The following PCDH9 variants were observed in gnomAD, a reference collection of about 807,000 sequenced individuals.
The protein encoded by PCDH9 is protocadherin-9.
Under a neutral mutation model 70.6 loss-of-function variants are expected in PCDH9, and 24 were observed. That is an observed-to-expected ratio of 0.34 (90% CI 0.25 to 0.48). PCDH9 has a LOEUF of 0.48. Ranked by LOEUF, PCDH9 falls within the 20% of genes least tolerant of loss-of-function variation. The pLI is 0.99. For missense variants in PCDH9, 1,281 were observed against 1,503.6 expected (o/e 0.85, Z 2.45); for synonymous variants, 562 against 558.5 (o/e 1.01, Z -0.09).
At chr13:66,664,946 G>T (rs555508643) in intron 3 of PCDH9, among the ~76,000 whole-genome samples, 50 of 152,136 alleles carry the variant, frequency 3.3e-4, no homozygotes, top group African/African-American at 1.2e-3. Flanking sequence ...ACCCTGTCCT[G>T]CTAGTCCCTA....
At chr13:66,908,505 T>C (rs542507865) in intron 2 of PCDH9, among the ~76,000 whole-genome samples, 1 of 152,300 alleles carries the variant, frequency 6.6e-6, no homozygotes, top group South Asian at 2.1e-4. Flanking sequence ...ACAGGAACAA[T>C]CTTCTATTCA....
At position 66,676,977 on chromosome 13, in the gene PCDH9, C is replaced by T. The variant is rs147134919; in HGVS notation, c.3139-45566G>A. 3.3e-4 allele frequency among the ~76,000 whole-genome samples: 50 copies of T among 152,094 alleles called. No individual in the cohort carries two copies. The East Asian group carries it at 8.9e-3, about 27-fold the overall frequency. ...ATGTCAATATTGATTCATTTTCCAACTATTCAAAGTCGGTATGCGGATTAA... is the reference window on the plus strand; with the variant it reads ...ATGTCAATATTGATTCATTTTCCAATTATTCAAAGTCGGTATGCGGATTAA... On this transcript the variant is annotated intron_variant, in intron 3 of 4. Transcript: ENST00000377865.
chr13:67,065,233 G>A (rs752800609), intron 2 of PCDH9, among the ~76,000 whole-genome samples: 9 of 152,012 alleles, frequency 5.9e-5, no homozygotes, highest in Admixed American at 4.6e-4. Context: ...AAAAACGAGC[G>A]TGTTCTCTGC....
chr13:66,798,456 T>C (rs2080278793), intron 3 of PCDH9, among the ~76,000 whole-genome samples: 1 of 152,118 alleles, frequency 6.6e-6, no homozygotes, highest in African/African-American at 2.4e-5. Flanking sequence ...AAGACTAATG[T>C]TCCAGAGATA....
intron 3 of PCDH9, among the ~76,000 whole-genome samples, chr13:66,740,229 C>T (rs1167430856): frequency 1.4e-5 from 2 of 138,898 alleles, no homozygotes; most frequent in East Asian, 4.2e-4. Flanking sequence ...ACAACCTGCT[C>T]CTGAATGACT....
chr13:66,930,940 A>AG (rs1333546570), intron 2 of PCDH9, among the ~76,000 whole-genome samples: 1 of 152,184 alleles, frequency 6.6e-6, no homozygotes, highest in African/African-American at 2.4e-5. Context: ...TGTCTACCAG[A>AG]AGCCTTTTAA....
At chr13:66,330,257 C>T (rs780262483) in intron 4 of PCDH9, among the ~76,000 whole-genome samples, 38 of 152,302 alleles carry the variant, frequency 2.5e-4, no homozygotes, top group Non-Finnish European at 4.6e-4. Flanking sequence ...ATTCAGGATG[C>T]TTGCTAATTC....
intron 4 of PCDH9, among the ~76,000 whole-genome samples, chr13:66,563,763 T>A (rs1593685969): frequency 6.6e-6 from 1 of 152,172 alleles, no homozygotes; most frequent in Non-Finnish European, 1.5e-5. Context: ...TTTCTGTTTT[T>A]TCGTTTTGGC....
chr13:66,942,260 GA>G (rs888910594), intron 2 of PCDH9, among the ~76,000 whole-genome samples: 13 of 151,062 alleles, frequency 8.6e-5, no homozygotes, highest in South Asian at 4.2e-4. Flanking sequence ...CAATAGTTTA[GA>G]AAAAAATAGC....
intron 4 of PCDH9, among the ~76,000 whole-genome samples, chr13:66,622,088 C>T (rs1056938124): frequency 6.6e-6 from 1 of 152,234 alleles, no homozygotes. Flanking sequence ...GGCTTAGCAC[C>T]CGGGCCAGCG....
chr13:66,614,994 C>A (rs887370144), intron 4 of PCDH9, among the ~76,000 whole-genome samples: 1 of 152,160 alleles, frequency 6.6e-6, no homozygotes, highest in African/African-American at 2.4e-5. Flanking sequence ...TTGTGGAATT[C>A]TGAGAAAGGT....
chr13:66,522,923 C>T (rs1259818721), intron 4 of PCDH9, among the ~76,000 whole-genome samples: 6 of 152,018 alleles, frequency 3.9e-5, no homozygotes, highest in Non-Finnish European at 7.4e-5. Context: ...TCACAGGAAA[C>T]TGACACAATA....
At chr13:66,907,217 T>A (rs1328119309) in intron 2 of PCDH9, among the ~76,000 whole-genome samples, 1 of 151,840 alleles carries the variant, frequency 6.6e-6, no homozygotes, top group Non-Finnish European at 1.5e-5. Flanking sequence ...AAGAAAAAAA[T>A]AAAATAAAAA....
intron 4 of PCDH9, among the ~76,000 whole-genome samples, chr13:66,380,946 A>C (rs1956837806): frequency 6.6e-6 from 1 of 152,212 alleles, no homozygotes. Context: ...ACTCTGATTA[A>C]GTTGAAGTAA....
At chr13:66,643,337 T>C (rs746820886) in intron 3 of PCDH9, among the ~76,000 whole-genome samples, 2 of 152,070 alleles carry the variant, frequency 1.3e-5, no homozygotes, top group Admixed American at 6.6e-5. Context: ...TAAGATTTTA[T>C]ATCTCTTTTC....
At chr13:66,423,373 A>T (rs1266425758) in intron 4 of PCDH9, among the ~76,000 whole-genome samples, 3 of 151,786 alleles carry the variant, frequency 2.0e-5, no homozygotes, top group Non-Finnish European at 2.9e-5. Flanking sequence ...CAGCAAAAAA[A>T]AAAAAAGAAA....
intron 3 of PCDH9, among the ~76,000 whole-genome samples, chr13:66,681,624 C>T (rs2078320921): frequency 6.6e-6 from 1 of 152,086 alleles, no homozygotes; most frequent in African/African-American, 2.4e-5. Context: ...CTGCCTCTGA[C>T]TTCTAGGCTT....
At chr13:66,834,083 C>G (rs976954645) in intron 3 of PCDH9, among the ~76,000 whole-genome samples, 108 of 151,712 alleles carry the variant, frequency 7.1e-4, no homozygotes, top group African/African-American at 2.6e-3. Flanking sequence ...AATCTTTATA[C>G]ATTGATGTCC....
intron 4 of PCDH9, among the ~76,000 whole-genome samples, chr13:66,605,253 C>G (rs1318229449): frequency 6.6e-6 from 1 of 151,952 alleles, no homozygotes; most frequent in Non-Finnish European, 1.5e-5. Context: ...AGTAGGGACC[C>G]AAGTGTTGCA....
Sources: gnomAD v4.1 joint callset for allele counts (sites outside exome capture counted in the v4.1 genomes callset) on GRCh38, gnomAD v4.1.1 for gene constraint, MANE v1.5 for transcripts, NCBI Gene and HGNC (gene_info 2026-07-23, HGNC 2026-07-21) for gene names.